Variants in TOMM40 observed in about 807,000 individuals in gnomAD.
TOMM40 encodes the protein mitochondrial import receptor subunit TOM40 homolog.
In TOMM40, 9 loss-of-function variants were observed where a neutral mutation model predicts 38.4. That is an observed-to-expected ratio of 0.23 (90% confidence interval 0.14 to 0.41). TOMM40 has a LOEUF of 0.41. TOMM40 is among the 10% of genes least tolerant of loss of function. The pLI is 1.00. For missense variants in TOMM40, 299 were observed against 486.5 expected, an observed-to-expected ratio of 0.61 and a Z score of 3.63; for synonymous variants, 184 against 210.0, an observed-to-expected ratio of 0.88 and a Z score of 1.07.
chr19:44,894,459 A>T (rs1568607061), intron 5 of TOMM40, among the ~76,000 whole-genome samples: 1 of 152,020 alleles, frequency 6.6e-6, no homozygotes, highest in Non-Finnish European at 1.5e-5. Flanking sequence ...ACAGGGTTTC[A>T]CCACATTGGT....
chr19:44,892,733 C>T lies in TOMM40; in HGVS notation c.343-104C>T. On this transcript the variant is annotated intron_variant, in intron 2 of 8. Coordinates refer to ENST00000426677, the MANE Select transcript of TOMM40 (RefSeq NM_001128917.2). Reference sequence around the variant, plus strand: ...TCTGAGTCTCTTAGTCAGGCCGTGCCTCCCAGTCTTCATCCCCTGCCCAGC... The same window carrying T: ...TCTGAGTCTCTTAGTCAGGCCGTGCTTCCCAGTCTTCATCCCCTGCCCAGC... 9 of 975,724 alleles carry T rather than the reference C, an allele frequency of 9.2e-6. No homozygotes were observed. In the South Asian group the frequency reaches 1.2e-4, roughly 13 times the overall value. 60.4% of individuals were successfully genotyped at this position (975,724 alleles called of 1,614,324 possible). A position where few individuals can be genotyped will look rare whatever the true frequency, so the allele number is the denominator to read the frequency against.
chr19:44,892,782 T>G, intron 2 of TOMM40, 55 bp from the exon 3 acceptor site: 1 of 1,463,014 alleles, frequency 6.8e-7, no homozygotes, highest in East Asian at 2.3e-5. Context: ...CCTTGCCCTC[T>G]TCAGTGGGCA....
In TOMM40 at chr19:44,902,926, G is replaced by C. The variant is rs971952927; in HGVS notation, c.947-104G>C. 4 of 1,463,992 alleles carry C rather than the reference G, an allele frequency of 2.7e-6. No individual in the cohort carries two copies. The East Asian group carries it at 9.7e-5, about 35-fold the overall frequency. The allele number at this position is 1,463,992 out of a possible 1,614,324, so 90.7% of individuals were successfully genotyped here. ...GGGTGGCAGGAGCAGTGTGGTTAAA[G>C]GTCTGGAAGCTGTCGGCATGTGGCT... On this transcript the variant is annotated intron_variant, in intron 8 of 8. Coordinates refer to ENST00000426677, the MANE Select transcript of TOMM40 (RefSeq NM_001128917.2).
intron 4 of TOMM40, 30 bp downstream of exon 4, chr19:44,893,911 C>T: frequency 6.2e-7 from 1 of 1,608,572 alleles, no homozygotes; most frequent in South Asian, 1.1e-5. Context: ...TGCTGCTCCC[C>T]TCGGCCACCG....
At chr19:44,900,900 C>T (rs751931290) in intron 6 of TOMM40, 48 bp downstream of exon 6, 1 of 1,609,540 alleles carries the variant, frequency 6.2e-7, no homozygotes, top group Non-Finnish European at 8.5e-7. Flanking sequence ...GGCCCCTGGA[C>T]TCCTCCTGGG....
At chr19:44,902,524 GC>G (rs1283701896) in intron 8 of TOMM40, 2 of 152,508 alleles carry the variant, frequency 1.3e-5, no homozygotes, top group African/African-American at 4.8e-5. Context: ...GAAGCCTCGA[GC>G]CTGCCCCATT....
chr19:44,895,908 C>G (rs147707133), intron 5 of TOMM40, among the ~76,000 whole-genome samples: 1,822 of 152,252 alleles, frequency 0.012, 23 homozygotes, highest in Non-Finnish European at 0.018. Flanking sequence ...CCAGGACCGA[C>G]GCACACTCTG....
chr19:44,892,910 A>T lies in TOMM40; in HGVS notation c.416A>T (p.Lys139Met). The T allele has an allele frequency of 1.9e-6, 3 of 1,613,844 alleles. No individual in the cohort carries two copies. The highest frequency in any genetic ancestry group is 2.5e-6 in the Non-Finnish European group (3 of 1,179,800). The change falls in exon 3 of 9, where the codon AAG becomes ATG. Residue 139 changes from lysine to methionine, a missense_variant. Coordinates refer to ENST00000426677, the MANE Select transcript of TOMM40 (RefSeq NM_001128917.2). ...YHFGVTYVGT[K>M]QLSPTEAFPV... ...TTCGGGGTCACATATGTGGGGACAA[A>T]GCAGCTGAGTCCCACAGAGGTGAGC...
At chr19:44,895,625 C>T (rs1321900593) in intron 5 of TOMM40, among the ~76,000 whole-genome samples, 1 of 152,094 alleles carries the variant, frequency 6.6e-6, no homozygotes, top group African/African-American at 2.4e-5. Flanking sequence ...GCAACCTCTG[C>T]CTCCCTGGTT....
At chr19:44,898,533 T>C (rs1399970799) in intron 5 of TOMM40, among the ~76,000 whole-genome samples, 1 of 145,730 alleles carries the variant, frequency 6.9e-6, no homozygotes, top group African/African-American at 2.5e-5. Flanking sequence ...TTCTTTTTTT[T>C]TTTTTTTTGT....
chr19:44,898,136 C>T (rs1191024084), intron 5 of TOMM40, among the ~76,000 whole-genome samples: 1 of 152,058 alleles, frequency 6.6e-6, no homozygotes, highest in East Asian at 1.9e-4. Context: ...GGGGTTGCCG[C>T]CTAACACTCA....
In TOMM40 at chr19:44,901,334, C is replaced by A. The variant is rs117163741; in HGVS notation, c.946+24C>A. The stretch of plus-strand genomic sequence containing the variant: ...AGGTAAAGGTCTCGGTTCCCCTACG[C>A]GGGAAACAGGCAGGAGGTGACTCAA... On this transcript the variant is annotated intron_variant, in intron 8 of 8. Transcript: ENST00000426677. 1,667 of 1,605,268 alleles carry A rather than the reference C, an allele frequency of 1.0e-3. 39 individuals are homozygous for A. The East Asian group carries it at 0.035, about 34-fold the overall frequency.
intron 8 of TOMM40, chr19:44,902,511 T>G (rs1220471243): frequency 6.6e-6 from 1 of 152,380 alleles, no homozygotes; most frequent in African/African-American, 2.4e-5. Context: ...AGAAGGCACT[T>G]TGGAAGCCTC....
chr19:44,902,334 C>G (rs1969699078), intron 8 of TOMM40: 1 of 152,270 alleles, frequency 6.6e-6, no homozygotes, highest in Non-Finnish European at 1.5e-5. Flanking sequence ...TCCTGAGTAG[C>G]TAGGACCACA....
At chr19:44,894,138 T>C (rs772010868) in intron 5 of TOMM40, 72 bp downstream of exon 5, 14 of 1,183,136 alleles carry the variant, frequency 1.2e-5, no homozygotes, top group Non-Finnish European at 1.6e-5. Context: ...CCACCCCATT[T>C]GTGAACCTCC....
chr19:44,892,851 A>G lies in TOMM40; in HGVS notation c.357A>G (p.Val119=). 6.2e-7 allele frequency: 1 copy of G among 1,613,804 alleles called. No homozygotes were observed. The highest frequency in any genetic ancestry group is 8.5e-7 in the Non-Finnish European group (1 of 1,179,798). ...LSNHFQVNHT[V]ALSTIGESNY... ...TTTCCTTCCAGGTCAACCACACAGT[A>G]GCCCTCAGCACAATCGGGGAGTCCA... Residue 119 remains valine (V), a synonymous_variant, in exon 3 of 9, where the codon GTA becomes GTG. Coordinates refer to ENST00000426677, the MANE Select transcript of TOMM40 (RefSeq NM_001128917.2).
intron 5 of TOMM40, among the ~76,000 whole-genome samples, chr19:44,895,290 G>T (rs1969544407): frequency 6.6e-6 from 1 of 152,178 alleles, no homozygotes; most frequent in South Asian, 2.1e-4. Context: ...GGCTACCCCG[G>T]CTGGGGGACA....
intron 5 of TOMM40, among the ~76,000 whole-genome samples, chr19:44,898,828 G>A (rs916815435): frequency 1.3e-4 from 20 of 151,362 alleles, no homozygotes; most frequent in African/African-American, 2.4e-4. Context: ...GTGAGCCACC[G>A]TGCCCAGCCT....
chr19:44,901,358 A>G (rs1277263920), intron 8 of TOMM40, 48 bp downstream of exon 8: 2 of 1,581,720 alleles, frequency 1.3e-6, no homozygotes, highest in East Asian at 2.3e-5. Flanking sequence ...GAGGTGACTC[A>G]ACTCTGAGTG....
Sources: gnomAD v4.1 joint callset for allele counts (sites outside exome capture counted in the v4.1 genomes callset) on GRCh38, gnomAD v4.1.1 for gene constraint, MANE v1.5 for transcripts, NCBI Gene and HGNC (gene_info 2026-07-23, HGNC 2026-07-21) for gene names.